MARK3: variants seen among roughly 807,000 people sequenced by gnomAD.
MARK3 encodes MAP/microtubule affinity-regulating kinase 3.
A neutral mutation model predicts 90.1 loss-of-function variants in MARK3; 46 were observed. The ratio of observed to expected loss-of-function variants is 0.51; its 90% CI spans 0.40 to 0.65. The LOEUF is 0.65. Ranked by LOEUF, MARK3 falls within the 30% of genes least tolerant of loss-of-function variation. MARK3 has a pLI of 0.00. For missense variants in MARK3, 818 were observed against 947.2 expected, an observed-to-expected ratio of 0.86 and a Z score of 1.79; for synonymous variants, 321 against 332.6, an observed-to-expected ratio of 0.97 and a Z score of 0.38.
chr14:103,396,431 G>A (rs925859426), intron 1 of MARK3, among the ~76,000 whole-genome samples: 15 of 151,594 alleles, frequency 9.9e-5, no homozygotes, highest in African/African-American at 3.4e-4. Flanking sequence ...TTTTCCTTAT[G>A]CCTTATATTT....
At chr14:103,458,623 A>G (rs2081840128) in intron 6 of MARK3, 1 of 554,528 alleles carries the variant, frequency 1.8e-6, no homozygotes, top group Non-Finnish European at 3.2e-6. Flanking sequence ...GCAGTGCTTC[A>G]CTGCTTTTAA....
intron 14 of MARK3, among the ~76,000 whole-genome samples, chr14:103,481,804 TCA>T (rs941854752): frequency 8.2e-6 from 1 of 122,124 alleles, no homozygotes; most frequent in Non-Finnish European, 1.6e-5. Flanking sequence ...TCTCACTCTG[TCA>T]CCCAGGCTGG....
At chr14:103,428,611 C>T (rs1224280809) in intron 3 of MARK3, among the ~76,000 whole-genome samples, 171 bp downstream of exon 3, 1 of 152,072 alleles carries the variant, frequency 6.6e-6, no homozygotes, top group East Asian at 1.9e-4. Context: ...GTTGGGTTAT[C>T]TTTGGTCGGA....
At chr14:103,409,435 T>TAAAAAAAAAAA (rs61200962) in intron 2 of MARK3, among the ~76,000 whole-genome samples, 6 of 93,428 alleles carry the variant, frequency 6.4e-5, no homozygotes, top group African/African-American at 1.7e-4. Context: ...GAACTTAAAG[T>TAAAAAAAAAAA]AAAAAAAAAA....
chr14:103,393,054 GC>G (rs988002011), intron 1 of MARK3, among the ~76,000 whole-genome samples: 5 of 152,134 alleles, frequency 3.3e-5, no homozygotes, highest in Non-Finnish European at 7.4e-5. Context: ...CATGATCTTG[GC>G]TCACTGCAAC....
intron 3 of MARK3, among the ~76,000 whole-genome samples, chr14:103,431,973 GT>G (rs141155934): frequency 0.035 from 5,149 of 148,702 alleles, 322 homozygotes; most frequent in African/African-American, 0.12. Flanking sequence ...ACTTGGAATT[GT>G]TTCCCCCCTC....
chr14:103,433,021 T>C (rs1461155231), intron 3 of MARK3, among the ~76,000 whole-genome samples: 2 of 152,136 alleles, frequency 1.3e-5, no homozygotes, highest in South Asian at 2.1e-4. Flanking sequence ...CATTTTTTTC[T>C]GTAAGGATTA....
rs777766882 is a variant in MARK3 at position 103,475,158 on chromosome 14, A to G, written c.1430A>G (p.Asn477Ser). 1 of 1,614,138 alleles carries G rather than the reference A, an allele frequency of 6.2e-7. No homozygotes were observed. Among genetic ancestry groups the G allele is most frequent in the Non-Finnish European group, 8.5e-7 (1 of 1,180,040 alleles). Residue 477 changes from asparagine (N) to serine (S), a missense_variant, in exon 13 of 18, where the codon AAT (asparagine) becomes AGT (serine). By Grantham distance (46) the Asn-to-Ser change is conservative. Coordinates refer to ENST00000429436, the MANE Select transcript of MARK3 (RefSeq NM_001128918.3). ...AGTCCCATGCTTGGGAATGCAAGTA[A>G]TCCTAATAAGGCGGATATTCCTGAA... ...PASPMLGNASNPNKADIPERK... is the reference protein window; with the variant it reads ...PASPMLGNASSPNKADIPERK...
chr14:103,397,891 A>T (rs2140532596), intron 1 of MARK3, among the ~76,000 whole-genome samples: 1 of 152,176 alleles, frequency 6.6e-6, no homozygotes, highest in Admixed American at 6.5e-5. Flanking sequence ...TTCTTGTTTT[A>T]TCTACTCCTG....
At chr14:103,386,161 TC>T in intron 1 of MARK3, 81 bp downstream of exon 1, 11 of 1,342,906 alleles carry the variant, frequency 8.2e-6, no homozygotes, top group South Asian at 1.2e-5. Context: ...AGTCGGGTGT[TC>T]CCCCCAGCCG....
At chr14:103,412,470 T>A (rs566819239) in intron 2 of MARK3, 2 of 532,458 alleles carry the variant, frequency 3.8e-6, no homozygotes, top group South Asian at 4.0e-5. Context: ...GCCAGCTTCT[T>A]GACCAGATTC....
At chr14:103,496,417 CT>C (rs34504040) in intron 15 of MARK3, among the ~76,000 whole-genome samples, 72 of 145,852 alleles carry the variant, frequency 4.9e-4, no homozygotes, top group Non-Finnish European at 5.3e-4. Flanking sequence ...CCCATCTCTA[CT>C]TTTTTTTTTT....
Position 103,426,891 on chromosome 14 carries a change from TAAAAAA to T in MARK3, c.244-1483_244-1478del, listed in dbSNP as rs59517015. ...TAACTGCCCAAAGGGCTTTTCTATTTAAAAAAAAAAAAAAAAAATTTTTAAAGTTTT... is the reference window on the plus strand; with the variant it reads ...TAACTGCCCAAAGGGCTTTTCTATTTAAAAAAAAAAAATTTTTAAAGTTTT... On this transcript the variant is annotated intron_variant, in intron 2 of 17. Transcript: ENST00000429436. Among the ~76,000 whole-genome samples, 408 of 149,378 alleles carry T rather than the reference TAAAAAA, an allele frequency of 2.7e-3. 1 individual carries two copies. The highest frequency in any genetic ancestry group is 9.5e-3 in the African/African-American group (385 of 40,602).
In MARK3 at chr14:103,386,074, T is replaced by C. The variant is rs2089760342; in HGVS notation, c.45T>C (p.Thr15=). Residue 15 remains threonine, a synonymous_variant, in exon 1 of 18, where the codon ACT becomes ACC. Transcript: ENST00000429436. ...TPLPTVNERD[T]ENHTSHGDGR... is the part of the protein sequence containing the mutation. The stretch of plus-strand genomic sequence containing the variant: ...TGCCAACGGTGAATGAACGAGACAC[T>C]GAAAACGTAAGTAACCTGGGCGTTG... The C allele has an allele frequency of 6.2e-7, 1 of 1,614,162 alleles. No individual in the cohort carries two copies. Among genetic ancestry groups the C allele is most frequent in the Non-Finnish European group, 8.5e-7 (1 of 1,179,970 alleles).
At position 103,491,977 on chromosome 14, in the gene MARK3, C is replaced by A. The variant is rs1369544435; in HGVS notation, c.1787C>A (p.Thr596Asn). ...LSHEATPLSQ[T>N]RSRGSTNLFS... is the part of the protein sequence containing the mutation. The stretch of plus-strand genomic sequence containing the variant: ...CATGAAGCCACACCATTGTCCCAGA[C>A]TCGAAGCCGAGGCTCCACTAATCTC... Residue 596 changes from threonine to asparagine, a missense_variant, in exon 15 of 18, where the codon ACT becomes AAT. Physicochemically the swap from Thr to Asn is moderately conservative, Grantham distance 65 (BLOSUM62 0). Transcript: ENST00000429436. 1 of 1,614,226 alleles carries A rather than the reference C, an allele frequency of 6.2e-7. No individual in the cohort carries two copies. Among genetic ancestry groups the A allele is most frequent in the South Asian group, 1.1e-5 (1 of 91,086 alleles).
intron 1 of MARK3, among the ~76,000 whole-genome samples, chr14:103,399,124 T>C (rs1015438738): frequency 6.6e-6 from 1 of 152,222 alleles, no homozygotes; most frequent in Admixed American, 6.5e-5. Context: ...ACCATATTGA[T>C]GTTAAAAAAA....
At chr14:103,463,388 A>G (rs2093439148) in intron 7 of MARK3, among the ~76,000 whole-genome samples, 1 of 152,150 alleles carries the variant, frequency 6.6e-6, no homozygotes, top group South Asian at 2.1e-4. Context: ...GATGGCCCCA[A>G]ATCCATTCCT....
At chr14:103,431,936 G>T (rs545959119) in intron 3 of MARK3, among the ~76,000 whole-genome samples, 17 of 151,940 alleles carry the variant, frequency 1.1e-4, no homozygotes, top group African/African-American at 3.6e-4. Flanking sequence ...CAGGAGTTTC[G>T]CTGAACAGAA....
chr14:103,385,882 A>G lies in MARK3; in HGVS notation c.-148A>G. The G allele has an allele frequency of 1.7e-6, 1 of 576,866 alleles. No individual in the cohort carries two copies. The highest frequency in any genetic ancestry group is 3.1e-6 in the Non-Finnish European group (1 of 319,010). The allele number at this position is 576,866 out of a possible 1,614,324, so 35.7% of individuals were successfully genotyped here. A position where few individuals can be genotyped will look rare whatever the true frequency, so the allele number is the denominator to read the frequency against. ...GGGGACGGCCCGGGCCAGGCCCGGGATCTAGACGGCCGTAGGGGGAAGGGA... is the reference window on the plus strand; with the variant it reads ...GGGGACGGCCCGGGCCAGGCCCGGGGTCTAGACGGCCGTAGGGGGAAGGGA... On this transcript the variant is annotated 5_prime_UTR_variant, in exon 1 of 18. Transcript: ENST00000429436.
Sources: allele counts gnomAD v4.1 joint callset (sites outside exome capture counted in the v4.1 genomes callset), GRCh38; gene constraint gnomAD v4.1.1; transcripts MANE v1.5; gene names NCBI Gene and HGNC (gene_info 2026-07-23, HGNC 2026-07-21).